The following CDH13 variants were observed in gnomAD, a reference collection of about 807,000 sequenced individuals.
The protein encoded by CDH13 is cadherin 13, also known as cadherin-13.
In CDH13, 24 loss-of-function variants were observed where a neutral mutation model predicts 63.8. That is an observed-to-expected ratio of 0.38 (90% CI 0.27 to 0.53). The LOEUF (loss-of-function observed/expected upper bound fraction) is 0.53, where lower values mean the gene tolerates loss of function less well. Among genes scored for constraint, CDH13 ranks in the 20% least tolerant of loss-of-function variants. CDH13 has a pLI of 0.85. For missense variants in CDH13, 1,049 were observed against 903.1 expected, an observed-to-expected ratio of 1.16 and a Z score of -2.07; for synonymous variants, 503 against 355.3, an observed-to-expected ratio of 1.42 and a Z score of -4.67.
chr16:83,164,857 G>A (rs1205262451), intron 4 of CDH13, among the ~76,000 whole-genome samples: 4 of 150,956 alleles, frequency 2.6e-5, no homozygotes, highest in African/African-American at 7.4e-5. Flanking sequence ...ATGCTGGCTA[G>A]TGTCACGCCC....
intron 7 of CDH13, among the ~76,000 whole-genome samples, chr16:83,495,771 A>G (rs1023591786): frequency 6.6e-6 from 1 of 152,176 alleles, no homozygotes; most frequent in African/African-American, 2.4e-5. Flanking sequence ...CTTGTAGAGC[A>G]TGATTCCCCA....
chr16:82,638,438 T>C (rs1323424654), intron 1 of CDH13, among the ~76,000 whole-genome samples: 1 of 152,218 alleles, frequency 6.6e-6, no homozygotes, highest in Non-Finnish European at 1.5e-5. Flanking sequence ...TGAAAAGGAA[T>C]ATCTATGCTT....
intron 6 of CDH13, among the ~76,000 whole-genome samples, chr16:83,435,918 G>T (rs1463666065): frequency 6.6e-6 from 1 of 152,158 alleles, no homozygotes; most frequent in African/African-American, 2.4e-5. Flanking sequence ...CACTCAGTAT[G>T]GGGAATGAAT....
At chr16:83,216,033 A>G (rs899297051) in intron 4 of CDH13, among the ~76,000 whole-genome samples, 2 of 147,712 alleles carry the variant, frequency 1.4e-5, no homozygotes, top group Admixed American at 6.8e-5. Flanking sequence ...AACCCTCTAC[A>G]TGCTTAAGCA....
chr16:83,693,942 C>G (rs777926487), intron 10 of CDH13, among the ~76,000 whole-genome samples: 1 of 152,154 alleles, frequency 6.6e-6, no homozygotes. Flanking sequence ...TGAAATGAAT[C>G]AGAGGAGACT....
At chr16:83,168,454 C>T (rs1195407426) in intron 4 of CDH13, among the ~76,000 whole-genome samples, 1 of 151,904 alleles carries the variant, frequency 6.6e-6, no homozygotes, top group Non-Finnish European at 1.5e-5. Flanking sequence ...CCTTCCTTAG[C>T]CCAAATGCTA....
intron 1 of CDH13, among the ~76,000 whole-genome samples, chr16:82,856,579 G>A (rs2039704648): frequency 6.7e-6 from 1 of 149,218 alleles, no homozygotes; most frequent in African/African-American, 2.5e-5. Flanking sequence ...ACGAGTGCCT[G>A]TAGTCTCAGC....
chr16:83,282,293 C>G (rs1244178783), intron 5 of CDH13, among the ~76,000 whole-genome samples: 2 of 152,012 alleles, frequency 1.3e-5, no homozygotes, highest in African/African-American at 4.8e-5. Flanking sequence ...CCAGAATTAC[C>G]AAAATATGAT....
intron 5 of CDH13, among the ~76,000 whole-genome samples, chr16:83,234,385 C>G (rs1001690460): frequency 2.0e-5 from 3 of 152,136 alleles, no homozygotes; most frequent in Non-Finnish European, 4.4e-5. Context: ...GAAGCAGGCC[C>G]CAAATAACCA....
chr16:83,766,416 C>G (rs984584448), intron 11 of CDH13, among the ~76,000 whole-genome samples: 4 of 152,168 alleles, frequency 2.6e-5, no homozygotes, highest in African/African-American at 4.8e-5. Flanking sequence ...TGTGCATCAA[C>G]CTAAGAATTC....
Position 83,003,825 on chromosome 16 carries a change from C to T in CDH13, c.158-28185C>T, listed in dbSNP as rs143138622. Reference sequence around the variant, plus strand: ...ATGTGAACAGGGCTTAACCAGTGTACTCCATACCCTAAATAATTCTGTATA... The same window carrying T: ...ATGTGAACAGGGCTTAACCAGTGTATTCCATACCCTAAATAATTCTGTATA... On this transcript the variant is annotated intron_variant, in intron 2 of 13. Transcript: ENST00000567109. 3.6e-3 allele frequency among the ~76,000 whole-genome samples: 543 copies of T among 152,342 alleles called. 2 individuals are homozygous for T. The highest frequency in any genetic ancestry group is 5.6e-3 in the Non-Finnish European group (382 of 68,032).
intron 7 of CDH13, among the ~76,000 whole-genome samples, chr16:83,544,640 A>G (rs1166990241): frequency 6.6e-6 from 1 of 152,228 alleles, no homozygotes; most frequent in African/African-American, 2.4e-5. Context: ...ACTAGAATTC[A>G]AAATTTGAAA....
intron 2 of CDH13, among the ~76,000 whole-genome samples, chr16:82,984,582 C>G (rs371008892): frequency 6.6e-6 from 1 of 152,112 alleles, no homozygotes; most frequent in African/African-American, 2.4e-5. Flanking sequence ...TGCTCTGTGC[C>G]AGTCACTATT....
chr16:83,104,857 A>T (rs1284838496), intron 3 of CDH13, among the ~76,000 whole-genome samples: 2 of 152,190 alleles, frequency 1.3e-5, no homozygotes, highest in African/African-American at 4.8e-5. Flanking sequence ...AGGAGAAATA[A>T]GGATCTGAAA....
chr16:83,020,872 C>T (rs1915281378), intron 2 of CDH13, among the ~76,000 whole-genome samples: 1 of 152,208 alleles, frequency 6.6e-6, no homozygotes, highest in Admixed American at 6.5e-5. Flanking sequence ...TTAGGCTTAG[C>T]CAGGACACTT....
chr16:83,227,279 C>G (rs1358101697), intron 5 of CDH13, among the ~76,000 whole-genome samples: 1 of 152,176 alleles, frequency 6.6e-6, no homozygotes, highest in Non-Finnish European at 1.5e-5. Context: ...AAGTGCTGGT[C>G]TTCAGGGGTG....
intron 1 of CDH13, among the ~76,000 whole-genome samples, chr16:82,767,411 T>TG: frequency 6.6e-6 from 1 of 152,374 alleles, no homozygotes; most frequent in East Asian, 1.9e-4. Flanking sequence ...TACTCTTTTA[T>TG]GTAAGGCTTC....
At chr16:82,840,407 G>C (rs2038955966) in intron 1 of CDH13, among the ~76,000 whole-genome samples, 1 of 151,566 alleles carries the variant, frequency 6.6e-6, no homozygotes, top group Non-Finnish European at 1.5e-5. Flanking sequence ...ACTTGGCCGG[G>C]TGCAGTGGCT....
rs79625669 is a variant in CDH13 at position 83,739,533 on chromosome 16, T to C, written c.1539-8575T>C. Among the ~76,000 whole-genome samples, 1,172 of 152,282 alleles carry C rather than the reference T, an allele frequency of 7.7e-3. 4 individuals are homozygous for C. Among genetic ancestry groups the C allele is most frequent in the Admixed American group, 0.012 (177 of 15,300 alleles). ...GGCCTTCCTGGCAAATCACTGAACC[T>C]GGGAGTGGTCTTCGGGACCCCCAGC... On this transcript the variant is annotated intron_variant, in intron 10 of 13. Coordinates refer to ENST00000567109, the MANE Select transcript of CDH13 (RefSeq NM_001257.5).
Sources: allele counts gnomAD v4.1 joint callset (sites outside exome capture counted in the v4.1 genomes callset), GRCh38; gene constraint gnomAD v4.1.1; transcripts MANE v1.5; gene names NCBI Gene and HGNC (gene_info 2026-07-23, HGNC 2026-07-21).